The following ARHGAP26 variants were observed in gnomAD, a reference collection of about 807,000 sequenced individuals.
ARHGAP26 encodes the protein rho GTPase-activating protein 26.
A neutral mutation model predicts 104.8 loss-of-function variants in ARHGAP26; 38 were observed. The ratio of observed to expected loss-of-function variants is 0.36; its 90% CI spans 0.28 to 0.48. The LOEUF (loss-of-function observed/expected upper bound fraction) is 0.48. Among genes scored for constraint, ARHGAP26 ranks in the 20% least tolerant of loss-of-function variants. ARHGAP26 has a pLI of 0.99. For missense variants in ARHGAP26, 704 were observed against 947.9 expected (o/e 0.74, Z 3.38); for synonymous variants, 341 against 340.0 (o/e 1.00, Z -0.03).
At chr5:143,159,665 C>A (rs1029733055) in intron 20 of ARHGAP26, among the ~76,000 whole-genome samples, 1 of 152,160 alleles carries the variant, frequency 6.6e-6, no homozygotes, top group African/African-American at 2.4e-5. Flanking sequence ...GTTTCTGAAG[C>A]CTCCCAAGTG....
chr5:143,225,680 CAG>C lies in ARHGAP26; in HGVS notation c.*3237_*3238del, dbSNP rs1811603021. 1 of 224,762 alleles carries C rather than the reference CAG, an allele frequency of 4.4e-6. No individual in the cohort carries two copies. Among genetic ancestry groups the C allele is most frequent in the Admixed American group, 5.7e-5 (1 of 17,464 alleles). 13.9% of individuals were successfully genotyped at this position (224,762 alleles called of 1,614,324 possible). ...GGCTCTGATTTGAAATCGGGAGAAA[CAG>C]AGCTGCTGCCAATGGGATCTTTTAG... On this transcript the variant is annotated 3_prime_UTR_variant, in exon 23 of 23. Coordinates refer to ENST00000645722, the MANE Select transcript of ARHGAP26 (RefSeq NM_001135608.3).
intron 11 of ARHGAP26, among the ~76,000 whole-genome samples, chr5:142,976,760 G>A (rs1221419674): frequency 6.6e-6 from 1 of 152,220 alleles, no homozygotes. Flanking sequence ...ACTCTTAAAA[G>A]CGAGCATATC....
chr5:143,226,569 G>T lies in ARHGAP26; in HGVS notation c.*4123G>T. On this transcript the variant is annotated 3_prime_UTR_variant, in exon 23 of 23. Coordinates refer to ENST00000645722, the MANE Select transcript of ARHGAP26 (RefSeq NM_001135608.3). ...CCTGCCCCCAGGCAAGTAAAACCCT[G>T]ACTTGCTCAAGACAGAAGATCTTTT... 4.9e-6 allele frequency: 1 copy of T among 203,914 alleles called. No homozygotes were observed. Among genetic ancestry groups the T allele is most frequent in the Admixed American group, 6.0e-5 (1 of 16,686 alleles). 12.6% of individuals were successfully genotyped at this position (203,914 alleles called of 1,614,324 possible).
chr5:143,190,251 A>C (rs1050958034), intron 20 of ARHGAP26, among the ~76,000 whole-genome samples: 1 of 152,204 alleles, frequency 6.6e-6, no homozygotes, highest in Non-Finnish European at 1.5e-5. Flanking sequence ...TTTTGAGGAA[A>C]TTTGCTCATA....
chr5:143,108,264 G>A (rs1409761854), intron 17 of ARHGAP26, among the ~76,000 whole-genome samples: 4 of 152,156 alleles, frequency 2.6e-5, no homozygotes, highest in Non-Finnish European at 4.4e-5. Flanking sequence ...ATTCATTAGC[G>A]TTAGACATGT....
chr5:142,926,685 G>A (rs894495185), intron 10 of ARHGAP26, among the ~76,000 whole-genome samples: 5 of 152,284 alleles, frequency 3.3e-5, no homozygotes, highest in African/African-American at 1.2e-4. Context: ...CTTTGTGGTA[G>A]AGGCATGAAT....
At chr5:142,858,535 G>A (rs780864108) in intron 1 of ARHGAP26, among the ~76,000 whole-genome samples, 4 of 152,030 alleles carry the variant, frequency 2.6e-5, no homozygotes, top group Non-Finnish European at 5.9e-5. Flanking sequence ...GGGATTGCAG[G>A]GTTTATCATT....
At chr5:142,987,015 G>A (rs1423894165) in intron 11 of ARHGAP26, among the ~76,000 whole-genome samples, 1 of 152,044 alleles carries the variant, frequency 6.6e-6, no homozygotes, top group Non-Finnish European at 1.5e-5. Flanking sequence ...TGAACTTTAG[G>A]GTAGTTTTTT....
intron 9 of ARHGAP26, among the ~76,000 whole-genome samples, chr5:142,910,354 G>A (rs79067280): frequency 0.015 from 2,266 of 152,302 alleles, 65 homozygotes; most frequent in African/African-American, 0.052. Context: ...CAGCTTTAGG[G>A]TGAAGGAAAT....
chr5:143,087,447 T>C (rs1790745949), intron 17 of ARHGAP26, among the ~76,000 whole-genome samples: 1 of 152,228 alleles, frequency 6.6e-6, no homozygotes, highest in East Asian at 1.9e-4. Context: ...CCTAACCCTT[T>C]TGTTTACTCA....
chr5:143,199,939 G>C (rs1807445390), intron 20 of ARHGAP26, among the ~76,000 whole-genome samples: 2 of 152,106 alleles, frequency 1.3e-5, no homozygotes, highest in South Asian at 4.1e-4. Context: ...TTTCAACTAG[G>C]GGGTCTCACA....
chr5:143,150,990 A>C (rs1032021543), intron 20 of ARHGAP26, among the ~76,000 whole-genome samples: 1 of 152,358 alleles, frequency 6.6e-6, no homozygotes, highest in South Asian at 2.1e-4. Flanking sequence ...CAAGCCACAC[A>C]CTAGGAGAAA....
chr5:142,793,191 CA>C (rs1760217773), intron 1 of ARHGAP26, among the ~76,000 whole-genome samples: 1 of 151,378 alleles, frequency 6.6e-6, no homozygotes, highest in African/African-American at 2.4e-5. Flanking sequence ...GGCTGGTCGC[CA>C]AGCAACCCTG....
chr5:143,117,771 T>C, intron 17 of ARHGAP26, among the ~76,000 whole-genome samples: 1 of 152,252 alleles, frequency 6.6e-6, no homozygotes, highest in South Asian at 2.1e-4. Context: ...GGAACATAGC[T>C]GAAGACTTTG....
chr5:143,045,079 G>A lies in ARHGAP26; in HGVS notation c.1285+3189G>A, dbSNP rs779180205. 5.3e-5 allele frequency among the ~76,000 whole-genome samples: 8 copies of A among 152,326 alleles called. No homozygotes were observed. In the South Asian group the frequency reaches 6.2e-4, roughly 12 times the overall value. ...AAGCACTTTAGCTCAGTTGTGTTAA[G>A]CAAAAGAGTGGTTATGAAAGGATCT... On this transcript the variant is annotated intron_variant, in intron 14 of 22. Coordinates refer to ENST00000645722, the MANE Select transcript of ARHGAP26 (RefSeq NM_001135608.3).
intron 1 of ARHGAP26, among the ~76,000 whole-genome samples, chr5:142,872,983 ACTG>A (rs1755538044): frequency 6.6e-6 from 1 of 152,100 alleles, no homozygotes; most frequent in Non-Finnish European, 1.5e-5. Flanking sequence ...AGGGGAAATT[ACTG>A]TTGAGTCAGA....
chr5:142,779,426 T>G (rs367609450), intron 1 of ARHGAP26, among the ~76,000 whole-genome samples: 1 of 90,548 alleles, frequency 1.1e-5, no homozygotes, highest in Non-Finnish European at 1.7e-5. Flanking sequence ...GTTAGGGTGG[T>G]GTGTGTGTGT....
chr5:142,806,473 ATGTGTGTGTGTGTGTG>A (rs34179083), intron 1 of ARHGAP26, among the ~76,000 whole-genome samples: 4 of 147,774 alleles, frequency 2.7e-5, no homozygotes, highest in South Asian at 2.2e-4. Flanking sequence ...AGGCAATGAA[ATGTGTGTGTGTGTGTG>A]TGTGTGTGTG....
intron 3 of ARHGAP26, among the ~76,000 whole-genome samples, chr5:142,875,373 T>C (rs2152368062): frequency 6.6e-6 from 1 of 152,352 alleles, no homozygotes; most frequent in Middle Eastern, 3.4e-3. Context: ...TAGAACAACG[T>C]AGTTAAATGA....
Sources: gnomAD v4.1 joint callset for allele counts (sites outside exome capture counted in the v4.1 genomes callset) on GRCh38, gnomAD v4.1.1 for gene constraint, MANE v1.5 for transcripts, NCBI Gene and HGNC (gene_info 2026-07-23, HGNC 2026-07-21) for gene names.